The following TRDN variants were observed in gnomAD, a reference collection of about 807,000 sequenced individuals.
The protein encoded by TRDN is triadin in skeletal muscle.
TRDN carries 161 observed loss-of-function variants against 149.7 expected under a neutral mutation model. The observed-to-expected ratio is 1.08, with a 90% CI of 0.95 to 1.23. The LOEUF is 1.23. Ranked by LOEUF, TRDN falls within the 50% of genes most tolerant of loss-of-function variation. The pLI, the probability that TRDN is intolerant of heterozygous loss-of-function variation, is 0.00. For missense variants in TRDN, 896 were observed against 823.5 expected (o/e 1.09, Z -1.08); for synonymous variants, 294 against 250.5 (o/e 1.17, Z -1.64).
intron 1 of TRDN, among the ~76,000 whole-genome samples, chr6:123,574,881 T>TAC (rs1280983795): frequency 1.9e-5 from 2 of 107,498 alleles, no homozygotes; most frequent in Admixed American, 9.8e-5. Flanking sequence ...TATATATATA[T>TAC]ATATATATAT....
chr6:123,295,214 A>T (rs921537447), intron 24 of TRDN, among the ~76,000 whole-genome samples: 2 of 152,102 alleles, frequency 1.3e-5, no homozygotes, highest in African/African-American at 2.4e-5. Context: ...CTCAGTGATG[A>T]CTACTCCTCC....
At chr6:123,480,837 CT>C (rs1434755161) in intron 9 of TRDN, among the ~76,000 whole-genome samples, 3 of 152,010 alleles carry the variant, frequency 2.0e-5, no homozygotes, top group Non-Finnish European at 4.4e-5. Flanking sequence ...ATAATGCCTC[CT>C]ATCTCCTATC....
Position 123,520,146 on chromosome 6 carries a change from G to A in TRDN, c.485-3940C>T, listed in dbSNP as rs115719543. ...TTGTAGAAGTTCAGTTCTGTGGTAA[G>A]GCAAGATGATCTCTATGCTTTTTAA... On this transcript the variant is annotated intron_variant, in intron 5 of 40. Coordinates refer to ENST00000334268, the MANE Select transcript of TRDN (RefSeq NM_006073.4). Among the ~76,000 whole-genome samples, 632 of 152,048 alleles carry A rather than the reference G, an allele frequency of 4.2e-3. 8 individuals are homozygous for A. Among genetic ancestry groups the A allele is most frequent in the African/African-American group, 0.014 (599 of 41,476 alleles).
At chr6:123,405,656 T>G (rs1304696365) in intron 12 of TRDN, among the ~76,000 whole-genome samples, 3 of 152,126 alleles carry the variant, frequency 2.0e-5, no homozygotes, top group Non-Finnish European at 2.9e-5. Context: ...TGATAAATTC[T>G]CAGACCAAAA....
At chr6:123,617,538 G>C (rs1019259038) in intron 1 of TRDN, among the ~76,000 whole-genome samples, 12 of 152,034 alleles carry the variant, frequency 7.9e-5, no homozygotes, top group Non-Finnish European at 1.6e-4. Context: ...AATGTTACTT[G>C]CTAGATAACT....
In TRDN at chr6:123,483,111, A is replaced by G. The variant is rs530324025; in HGVS notation, c.853+14082T>C. Among the ~76,000 whole-genome samples, 4 of 116,284 alleles carry G rather than the reference A, an allele frequency of 3.4e-5. No homozygotes were observed. In the South Asian group the frequency reaches 1.0e-3, roughly 30 times the overall value. 76.3% of individuals were successfully genotyped at this position (116,284 alleles called of 152,430 possible). A position where few individuals can be genotyped will look rare whatever the true frequency, so the allele number is the denominator to read the frequency against. On this transcript the variant is annotated intron_variant, in intron 9 of 40. Coordinates refer to ENST00000334268, the MANE Select transcript of TRDN (RefSeq NM_006073.4). ...TATTATTATTATTATTATTATTATT[A>G]TTATTATTTGAGACCGAGTCTCGCC...
chr6:123,269,731 A>G, intron 31 of TRDN, 118 bp downstream of exon 31: 1 of 885,400 alleles, frequency 1.1e-6, no homozygotes, highest in Non-Finnish European at 1.7e-6. Context: ...TATTATTAAC[A>G]GTTATTTAGA....
intron 38 of TRDN, among the ~76,000 whole-genome samples, chr6:123,248,154 G>A (rs184839602): frequency 5.1e-4 from 78 of 152,114 alleles, no homozygotes; most frequent in East Asian, 4.4e-3. Context: ...AAAATTGTGC[G>A]TTGAAATAAT....
chr6:123,329,131 T>C (rs1227738541), intron 23 of TRDN, among the ~76,000 whole-genome samples: 1 of 152,174 alleles, frequency 6.6e-6, no homozygotes, highest in Non-Finnish European at 1.5e-5. Flanking sequence ...ACATGATTAC[T>C]GAATCAGAAT....
At chr6:123,227,735 TTG>T (rs1775436108) in intron 38 of TRDN, among the ~76,000 whole-genome samples, 1 of 135,500 alleles carries the variant, frequency 7.4e-6, no homozygotes, top group Non-Finnish European at 1.7e-5. Flanking sequence ...GTTTGTTTGT[TTG>T]TTTGTTTGTT....
chr6:123,479,594 A>C (rs1777651202), intron 9 of TRDN, among the ~76,000 whole-genome samples: 2 of 152,190 alleles, frequency 1.3e-5, no homozygotes, highest in African/African-American at 4.8e-5. Flanking sequence ...ATGACTTGCC[A>C]AATTCATCCA....
rs1311019377 is a variant in TRDN at position 123,218,366 on chromosome 6, G to T, written c.*235C>A. Reference sequence around the variant, plus strand: ...GTGACTGGAAATAAGATAAATACAAGCACCCCCTCCCACCGCAGCAAACAC... The same window carrying T: ...GTGACTGGAAATAAGATAAATACAATCACCCCCTCCCACCGCAGCAAACAC... On this transcript the variant is annotated 3_prime_UTR_variant, in exon 41 of 41. Coordinates refer to ENST00000334268, the MANE Select transcript of TRDN (RefSeq NM_006073.4). The T allele has an allele frequency of 1.2e-5, 5 of 418,606 alleles. No individual in the cohort carries two copies. The highest frequency in any genetic ancestry group is 1.7e-5 in the Non-Finnish European group (4 of 233,674). The allele number at this position is 418,606 out of a possible 1,614,324, so 25.9% of individuals were successfully genotyped here.
At position 123,235,596 on chromosome 6, in the gene TRDN, G is replaced by A. The variant is rs1213004405; in HGVS notation, c.1976-11465C>T. On this transcript the variant is annotated intron_variant, in intron 38 of 40. Transcript: ENST00000334268. ...TTAAAATAATCACACAGTAAATTGA[G>A]TTTTTCAGTGCAAACTTCTATGAAT... Among the ~76,000 whole-genome samples, 7 of 152,250 alleles carry A rather than the reference G, an allele frequency of 4.6e-5. No homozygotes were observed. The East Asian group carries it at 1.4e-3, about 29-fold the overall frequency.
chr6:123,541,768 C>T (rs1780848435), intron 4 of TRDN, among the ~76,000 whole-genome samples: 1 of 152,120 alleles, frequency 6.6e-6, no homozygotes, highest in Non-Finnish European at 1.5e-5. Flanking sequence ...CAAGTTTAGT[C>T]ATCTTTCCAT....
At position 123,614,310 on chromosome 6, in the gene TRDN, A is replaced by AC. The variant is rs1220978180; in HGVS notation, c.22+22443_22+22444insG. On this transcript the variant is annotated intron_variant, in intron 1 of 40. Transcript: ENST00000334268. ...CATTAAAAAAAAAAACAAAAAAAAAAAAAACAAAAAAAACCCTCAAATTGA... is the reference window on the plus strand; with the variant it reads ...CATTAAAAAAAAAAACAAAAAAAAAACAAAACAAAAAAAACCCTCAAATTGA... Among the ~76,000 whole-genome samples, 113 of 147,166 alleles carry AC rather than the reference A, an allele frequency of 7.7e-4. 2 individuals are homozygous for AC. Among genetic ancestry groups the AC allele is most frequent in the African/African-American group, 2.8e-3 (107 of 38,574 alleles).
At chr6:123,333,901 A>G (rs1779760041) in intron 22 of TRDN, among the ~76,000 whole-genome samples, 1 of 152,066 alleles carries the variant, frequency 6.6e-6, no homozygotes, top group African/African-American at 2.4e-5. Flanking sequence ...CAGGGCCTAT[A>G]AAGTGTTTAA....
intron 9 of TRDN, among the ~76,000 whole-genome samples, chr6:123,468,535 A>C (rs1776966671): frequency 6.6e-6 from 1 of 152,174 alleles, no homozygotes; most frequent in African/African-American, 2.4e-5. Flanking sequence ...GTGTGCATTC[A>C]TTCTAATGAT....
At chr6:123,610,385 GA>G (rs566005383) in intron 1 of TRDN, among the ~76,000 whole-genome samples, 95 of 152,194 alleles carry the variant, frequency 6.2e-4, no homozygotes, top group Admixed American at 1.2e-3. Context: ...TGTTGCCCAG[GA>G]AGAGCTTTGA....
In TRDN at chr6:123,269,861, G is replaced by T. The variant is rs1457261926; in HGVS notation, c.1726C>A (p.Pro576Thr). Residue 576 changes from proline (P) to threonine (T), a missense_variant, in exon 31 of 41, where the codon CCC becomes ACC. Coordinates refer to ENST00000334268, the MANE Select transcript of TRDN (RefSeq NM_006073.4). ...ATTCATCTCTTACTTGTTGGTTTGG[G>T]CTTGGCTGTGGAGAATGGAGGCAAG... is the stretch of plus-strand genomic sequence containing the variant. Reference protein sequence around the residue: ...KAVTIEKTAKPKPTKKAEHRE... With the variant: ...KAVTIEKTAKTKPTKKAEHRE... 1.9e-6 allele frequency: 3 copies of T among 1,610,224 alleles called. No homozygotes were observed. Among genetic ancestry groups the T allele is most frequent in the Admixed American group, 3.4e-5 (2 of 59,582 alleles).
Sources: allele counts gnomAD v4.1 joint callset (sites outside exome capture counted in the v4.1 genomes callset), GRCh38; gene constraint gnomAD v4.1.1; transcripts MANE v1.5; gene names NCBI Gene and HGNC (gene_info 2026-07-23, HGNC 2026-07-21).